CLDN10: variants seen among roughly 807,000 people sequenced by gnomAD.
CLDN10 encodes the protein claudin-10.
A neutral mutation model predicts 22.9 loss-of-function variants in CLDN10; 15 were observed. The observed-to-expected ratio is 0.65, with a 90% CI of 0.44 to 1.01. The LOEUF is 1.01. Among genes scored for constraint, CLDN10 ranks in the 50% least tolerant of loss-of-function variants. The pLI, the probability that CLDN10 is intolerant of heterozygous loss-of-function variation, is 0.00. For missense variants in CLDN10, 247 were observed against 287.8 expected (o/e 0.86, Z 1.03); for synonymous variants, 114 against 111.4 (o/e 1.02, Z -0.15).
intron 3 of CLDN10, among the ~76,000 whole-genome samples, chr13:95,566,253 G>A (rs962006074): frequency 2.0e-5 from 3 of 152,194 alleles, no homozygotes; most frequent in African/African-American, 7.2e-5. Context: ...CAGTGTAAAA[G>A]CATTCCTATT....
chr13:95,518,680 A>G (rs1009548080), intron 1 of CLDN10, among the ~76,000 whole-genome samples: 2 of 152,128 alleles, frequency 1.3e-5, no homozygotes, highest in Admixed American at 1.3e-4. Flanking sequence ...AATTGCTTGA[A>G]CCTGGGAAAC....
At chr13:95,469,145 G>C (rs1195863969) in intron 1 of CLDN10, among the ~76,000 whole-genome samples, 1 of 140,464 alleles carries the variant, frequency 7.1e-6, no homozygotes, top group African/African-American at 2.7e-5. Flanking sequence ...TTCTTCCTCT[G>C]GCATTTACCC....
chr13:95,536,764 A>C (rs943906888), intron 1 of CLDN10, among the ~76,000 whole-genome samples: 9 of 148,860 alleles, frequency 6.0e-5, no homozygotes, highest in African/African-American at 2.2e-4. Context: ...GGTCCTTACA[A>C]TAAAACTGTT....
upstream of CLDN10, among the ~76,000 whole-genome samples, chr13:95,548,782 T>C (rs1337156795): frequency 6.6e-6 from 1 of 152,162 alleles, no homozygotes; most frequent in Non-Finnish European, 1.5e-5. Flanking sequence ...AGGAATTCAG[T>C]TTCTTCCCAC....
At chr13:95,485,399 G>A (rs1402439367) in intron 1 of CLDN10, among the ~76,000 whole-genome samples, 4 of 152,146 alleles carry the variant, frequency 2.6e-5, no homozygotes, top group Non-Finnish European at 5.9e-5. Context: ...AGCCTCCATG[G>A]TCAAGGCAGC....
At chr13:95,497,566 C>CGTG (rs1395255819) in intron 1 of CLDN10, among the ~76,000 whole-genome samples, 3 of 152,286 alleles carry the variant, frequency 2.0e-5, no homozygotes, top group African/African-American at 7.2e-5. Context: ...GATTTGGACT[C>CGTG]GTGGTAGTGT....
At chr13:95,513,340 TA>T (rs1332792710) in intron 1 of CLDN10, among the ~76,000 whole-genome samples, 1 of 152,238 alleles carries the variant, frequency 6.6e-6, no homozygotes, top group African/African-American at 2.4e-5. Flanking sequence ...GAAGAAATTT[TA>T]TAGTTTACAT....
chr13:95,577,852 TGCCC>T, intron 4 of CLDN10, 44 bp from the exon 5 acceptor site: 2 of 1,220,094 alleles, frequency 1.6e-6, no homozygotes, highest in Admixed American at 4.1e-5. Context: ...CATTTTTGTT[TGCCC>T]TATGTGTAGA....
chr13:95,457,876 G>C (rs1048998470), intron 1 of CLDN10, among the ~76,000 whole-genome samples: 1 of 152,152 alleles, frequency 6.6e-6, no homozygotes, highest in African/African-American at 2.4e-5. Context: ...CTGTGAGTTA[G>C]CTATTGTCAG....
intron 1 of CLDN10, among the ~76,000 whole-genome samples, chr13:95,449,756 C>T (rs7981247): frequency 0.35 from 44,589 of 127,770 alleles, 7,767 homozygotes; most frequent in Non-Finnish European, 0.42. Flanking sequence ...TTTTTTTTTT[C>T]TTTTTGAGGC....
intron 1 of CLDN10, among the ~76,000 whole-genome samples, chr13:95,499,234 A>C: frequency 6.6e-6 from 1 of 152,176 alleles, no homozygotes; most frequent in East Asian, 1.9e-4. Flanking sequence ...TTTTCTGATT[A>C]GCCAGCATTG....
intron 1 of CLDN10, among the ~76,000 whole-genome samples, chr13:95,471,358 A>ATGTG (rs150912802): frequency 0.32 from 46,378 of 143,390 alleles, 7,483 homozygotes; most frequent in Middle Eastern, 0.37. Flanking sequence ...ATGGATATAT[A>ATGTG]TGTGTGTGTG....
Position 95,540,822 on chromosome 13 carries a change from C to T in CLDN10, c.215-19310C>T, listed in dbSNP as rs1275627254. Among the ~76,000 whole-genome samples, 4 of 152,168 alleles carry T rather than the reference C, an allele frequency of 2.6e-5. No homozygotes were observed. In the South Asian group the frequency reaches 6.2e-4, roughly 24 times the overall value. On this transcript the variant is annotated intron_variant, in intron 1 of 4. Transcript: ENST00000376873. ...CATTGCTTTTTTCCACTGACACTGACGATACCAGTTTACTACTATGTGACA... is the reference window on the plus strand; with the variant it reads ...CATTGCTTTTTTCCACTGACACTGATGATACCAGTTTACTACTATGTGACA...
chr13:95,445,732 G>A (rs1052429229), intron 1 of CLDN10, among the ~76,000 whole-genome samples: 4 of 152,206 alleles, frequency 2.6e-5, no homozygotes, highest in African/African-American at 7.2e-5. Flanking sequence ...GAGTGAGACA[G>A]ATTAGTTTGA....
intron 1 of CLDN10, among the ~76,000 whole-genome samples, chr13:95,493,376 G>A (rs997510877): frequency 3.3e-5 from 5 of 151,904 alleles, no homozygotes; most frequent in South Asian, 4.2e-4. Context: ...AAAGACATCC[G>A]CATTGTTATG....
intron 1 of CLDN10, among the ~76,000 whole-genome samples, chr13:95,543,596 T>C (rs2043480794): frequency 6.6e-6 from 1 of 152,140 alleles, no homozygotes; most frequent in Non-Finnish European, 1.5e-5. Context: ...TTTAGGAAAA[T>C]GCAGTATGTT....
chr13:95,491,594 C>T (rs1196644314), intron 1 of CLDN10, among the ~76,000 whole-genome samples: 2 of 152,042 alleles, frequency 1.3e-5, no homozygotes, highest in Admixed American at 1.3e-4. Context: ...GATACTTTTG[C>T]ATTGGGCTTC....
At chr13:95,537,109 A>C (rs2043408516) in intron 1 of CLDN10, among the ~76,000 whole-genome samples, 1 of 152,248 alleles carries the variant, frequency 6.6e-6, no homozygotes, top group Non-Finnish European at 1.5e-5. Flanking sequence ...AGCCATATCA[A>C]ATTAAGATAG....
chr13:95,456,876 C>G (rs1594531255), intron 1 of CLDN10, among the ~76,000 whole-genome samples: 1 of 152,214 alleles, frequency 6.6e-6, no homozygotes, highest in African/African-American at 2.4e-5. Flanking sequence ...GTTATTTTGT[C>G]TATTCTCCAA....
Sources: allele counts gnomAD v4.1 joint callset (sites outside exome capture counted in the v4.1 genomes callset), GRCh38; gene constraint gnomAD v4.1.1; transcripts MANE v1.5; gene names NCBI Gene and HGNC (gene_info 2026-07-23, HGNC 2026-07-21).